The following KRABD5 variants were observed in gnomAD, a reference collection of about 807,000 sequenced individuals.
KRABD5 encodes KRAB domain containing 5, also known as KRAB domain-containing protein 5.
chr16:31,730,028 T>C, the KRABD5 span, among the ~76,000 whole-genome samples: 2 of 152,178 alleles, frequency 1.3e-5, no homozygotes, highest in African/African-American at 4.8e-5. Flanking sequence ...TGTTTTATAG[T>C]TCTTATACTA....
chr16:31,736,527 T>C, the KRABD5 span, among the ~76,000 whole-genome samples: 1 of 150,422 alleles, frequency 6.6e-6, no homozygotes, highest in Non-Finnish European at 1.5e-5. Flanking sequence ...CTTTTTTTTT[T>C]TTTTTTTAAG....
the KRABD5 span, among the ~76,000 whole-genome samples, chr16:31,730,603 A>G: frequency 7.2e-5 from 11 of 151,986 alleles, no homozygotes; most frequent in Admixed American, 4.6e-4. Flanking sequence ...CCTTTTCCAG[A>G]TTTGGGGAGT....
chr16:31,721,873 G>A, the KRABD5 span, among the ~76,000 whole-genome samples: 1 of 152,128 alleles, frequency 6.6e-6, no homozygotes, highest in Non-Finnish European at 1.5e-5. Flanking sequence ...CCCAGCCCCA[G>A]CCCCAGATCT....
the KRABD5 span, among the ~76,000 whole-genome samples, chr16:31,731,975 C>G: frequency 8.9e-4 from 135 of 152,292 alleles, no homozygotes; most frequent in African/African-American, 3.2e-3. Flanking sequence ...TCAGGGAGCA[C>G]AGACAAGACC....
the KRABD5 span, chr16:31,713,360 C>G: frequency 6.4e-7 from 1 of 1,572,274 alleles, no homozygotes; most frequent in Non-Finnish European, 8.7e-7. Context: ...TAGACAGAAC[C>G]TCTGTTACTC....
chr16:31,757,985 G>A, the KRABD5 span: 1 of 152,092 alleles, frequency 6.6e-6, no homozygotes, highest in Non-Finnish European at 1.5e-5. Flanking sequence ...ATAGATAGAC[G>A]ATTCAGAGAT....
chr16:31,725,666 A>C, the KRABD5 span, among the ~76,000 whole-genome samples: 1 of 152,230 alleles, frequency 6.6e-6, no homozygotes, highest in East Asian at 1.9e-4. Context: ...TCATTGTGTT[A>C]TCTCTCTGTA....
chr16:31,734,134 T>C, the KRABD5 span, among the ~76,000 whole-genome samples: 1 of 152,272 alleles, frequency 6.6e-6, no homozygotes, highest in Middle Eastern at 3.4e-3. Context: ...ATTATATATA[T>C]GTGTGTGTGT....
the KRABD5 span, among the ~76,000 whole-genome samples, chr16:31,749,580 T>G: frequency 6.6e-6 from 1 of 152,190 alleles, no homozygotes; most frequent in Non-Finnish European, 1.5e-5. Flanking sequence ...CTCAGTGGCA[T>G]GAGTTCACGA....
chr16:31,738,642 A>G, the KRABD5 span, among the ~76,000 whole-genome samples: 2 of 152,064 alleles, frequency 1.3e-5, no homozygotes, highest in African/African-American at 4.8e-5. Context: ...CAGCCAAATT[A>G]TGTCTTTTGA....
the KRABD5 span, among the ~76,000 whole-genome samples, chr16:31,734,479 T>A: frequency 6.6e-6 from 1 of 152,160 alleles, no homozygotes; most frequent in Non-Finnish European, 1.5e-5. Flanking sequence ...CTTGAACTCC[T>A]GACCTTAAGT....
At chr16:31,736,904 G>T in the KRABD5 span, among the ~76,000 whole-genome samples, 3 of 151,982 alleles carry the variant, frequency 2.0e-5, no homozygotes, top group African/African-American at 7.2e-5. Flanking sequence ...CATGTTTTAT[G>T]ATTTTCAGTG....
chr16:31,713,603 C>G, the KRABD5 span: 8 of 1,012,212 alleles, frequency 7.9e-6, no homozygotes, highest in East Asian at 2.9e-5. Flanking sequence ...CAGCCGGGAC[C>G]CCGCGCGTCC....
the KRABD5 span, chr16:31,759,214 C>G: frequency 1.2e-6 from 1 of 840,968 alleles, no homozygotes; most frequent in South Asian, 2.2e-5. Flanking sequence ...AGAAAATGAA[C>G]TAATTGTATA....
chr16:31,739,615 G>A, the KRABD5 span, among the ~76,000 whole-genome samples: 2 of 152,146 alleles, frequency 1.3e-5, no homozygotes, highest in East Asian at 3.9e-4. Flanking sequence ...AAAATTCTCA[G>A]CCATCATTTC....
chr16:31,736,003 G>T, the KRABD5 span, among the ~76,000 whole-genome samples: 3 of 152,226 alleles, frequency 2.0e-5, no homozygotes, highest in Admixed American at 1.3e-4. Flanking sequence ...TATTTGCCCT[G>T]TTTTCATCTA....
chr16:31,760,775 C>T, the KRABD5 span: 1 of 152,118 alleles, frequency 6.6e-6, no homozygotes, highest in East Asian at 1.9e-4. Context: ...TGAGAATTTG[C>T]AAACATGTGG....
chr16:31,744,621 G>A, the KRABD5 span, among the ~76,000 whole-genome samples: 1 of 152,140 alleles, frequency 6.6e-6, no homozygotes, highest in African/African-American at 2.4e-5. Context: ...TTGGTACCAG[G>A]ATGATGCTGG....
At chr16:31,719,942 C>G in the KRABD5 span, among the ~76,000 whole-genome samples, 3 of 152,206 alleles carry the variant, frequency 2.0e-5, no homozygotes, top group Non-Finnish European at 4.4e-5. Context: ...TTTTCCGTAT[C>G]TCTCCCATCT....
Sources: gnomAD v4.1 joint callset for allele counts (sites outside exome capture counted in the v4.1 genomes callset) on GRCh38, gnomAD v4.1.1 for gene constraint, MANE v1.5 for transcripts, NCBI Gene and HGNC (gene_info 2026-07-23, HGNC 2026-07-21) for gene names.